Variants in VPS53 observed in about 807,000 individuals in gnomAD.
VPS53 encodes the protein VPS53 subunit of GARP complex, also known as vacuolar protein sorting-associated protein 53 homolog.
A neutral mutation model predicts 107.0 loss-of-function variants in VPS53; 70 were observed. The ratio of observed to expected loss-of-function variants is 0.65; its 90% confidence interval spans 0.54 to 0.80. The LOEUF (loss-of-function observed/expected upper bound fraction) is 0.80. Among genes scored for constraint, VPS53 ranks in the 30% least tolerant of loss-of-function variants. The pLI is 0.00. For missense variants in VPS53, 917 were observed against 1,049.4 expected (o/e 0.87, Z 1.74); for synonymous variants, 409 against 393.3 (o/e 1.04, Z -0.47).
At position 519,751 on chromosome 17, in the gene VPS53, T is replaced by C; in HGVS notation, c.2328+75A>G. The C allele has an allele frequency of 3.6e-6, 4 of 1,112,646 alleles. No homozygotes were observed. Among genetic ancestry groups the C allele is most frequent in the Non-Finnish European group, 5.3e-6 (4 of 753,172 alleles). The allele number at this position is 1,112,646 out of a possible 1,614,324, so 68.9% of individuals were successfully genotyped here. ...TTTGAGAAAGCCCCCCCGGAACTTA[T>C]ATCCCAATTCCCGGTTAAGAACCGC... On this transcript the variant is annotated intron_variant, in intron 21 of 21. Coordinates refer to ENST00000437048, the MANE Select transcript of VPS53 (RefSeq NM_001128159.3). The surrounding 1 kb of genome is among the most constrained non-coding windows in gnomAD (Gnocchi z 5.0).
chr17:712,004 G>C (rs565332432), intron 1 of VPS53, among the ~76,000 whole-genome samples: 4 of 152,058 alleles, frequency 2.6e-5, no homozygotes, highest in South Asian at 2.1e-4. Context: ...TTTTAGTAGA[G>C]AAGGGGTTTC....
chr17:687,758 G>A lies in VPS53; in HGVS notation c.285+9660C>T, dbSNP rs577104437. Among the ~76,000 whole-genome samples the A allele has an allele frequency of 6.6e-5, 10 of 152,130 alleles. No individual in the cohort carries two copies. In the East Asian group the frequency reaches 1.7e-3, roughly 26 times the overall value. Reference sequence around the variant, plus strand: ...GTCTCAAAAACAAATAAATAAATAAGTGGATAAATAAAATAAAGTATATTA... The same window carrying A: ...GTCTCAAAAACAAATAAATAAATAAATGGATAAATAAAATAAAGTATATTA... On this transcript the variant is annotated intron_variant, in intron 4 of 21. Transcript: ENST00000437048.
At chr17:615,592 C>A (rs543483308) in intron 11 of VPS53, among the ~76,000 whole-genome samples, 1 of 152,252 alleles carries the variant, frequency 6.6e-6, no homozygotes, top group South Asian at 2.1e-4. Context: ...TGACATCTTA[C>A]CTGTTTTGTG....
chr17:571,577 CT>C (rs1914088629), intron 13 of VPS53, among the ~76,000 whole-genome samples: 1 of 151,626 alleles, frequency 6.6e-6, no homozygotes, highest in African/African-American at 2.4e-5. Context: ...TTTCCACGGT[CT>C]CCCTCTGATG....
rs147990871 is a variant in VPS53, at chr17:583,080, C to T, written c.1313+3190G>A. Among the ~76,000 whole-genome samples the T allele has an allele frequency of 1.6e-3, 244 of 151,888 alleles. 3 individuals carry two copies. The Middle Eastern group carries it at 0.027, about 17-fold the overall frequency. ...ACCTAATGCGTTCCCACAGAACTTC[C>T]CTCACAACCTAATGCGTTCCCAAAG... On this transcript the variant is annotated intron_variant, in intron 13 of 21. Transcript: ENST00000437048.
chr17:607,755 A>T (rs1290932170), intron 11 of VPS53, among the ~76,000 whole-genome samples: 2 of 152,246 alleles, frequency 1.3e-5, no homozygotes, highest in African/African-American at 4.8e-5. Flanking sequence ...AAGCCGATAT[A>T]GGAAAGCAAA....
chr17:610,178 CAA>C (rs1204577668), intron 11 of VPS53, among the ~76,000 whole-genome samples: 5 of 124,206 alleles, frequency 4.0e-5, no homozygotes, highest in African/African-American at 1.6e-4. Context: ...CACACACACA[CAA>C]ATTAGTAGAC....
intron 4 of VPS53, among the ~76,000 whole-genome samples, chr17:696,954 G>A (rs986380070): frequency 6.6e-6 from 1 of 152,116 alleles, no homozygotes; most frequent in South Asian, 2.1e-4. Context: ...CGCTGTGCCC[G>A]CTGTGCCCGG....
intron 4 of VPS53, among the ~76,000 whole-genome samples, chr17:662,797 GAA>G: frequency 7.4e-6 from 1 of 135,352 alleles, no homozygotes; most frequent in African/African-American, 2.7e-5. Context: ...AAAAGAAAGA[GAA>G]AGAAAGAAAA....
chr17:592,343 C>T (rs1166979043), intron 12 of VPS53, among the ~76,000 whole-genome samples: 3 of 152,118 alleles, frequency 2.0e-5, no homozygotes, highest in East Asian at 1.9e-4. Flanking sequence ...ACTCTTTATC[C>T]AATTTGCCAG....
At chr17:645,408 C>T (rs1970645812) in intron 7 of VPS53, among the ~76,000 whole-genome samples, 1 of 152,054 alleles carries the variant, frequency 6.6e-6, no homozygotes, top group Non-Finnish European at 1.5e-5. Context: ...AGATATTAAT[C>T]CATTATCAGA....
chr17:642,740 G>C lies in VPS53; in HGVS notation c.608+10551C>G, dbSNP rs370104312. On this transcript the variant is annotated intron_variant, in intron 7 of 21. Transcript: ENST00000437048. ...CGAGGACAACACTCATACTTGGAAAGCGAGGACAACACTCATACTTGGAAA... is the reference window on the plus strand; with the variant it reads ...CGAGGACAACACTCATACTTGGAAACCGAGGACAACACTCATACTTGGAAA... Among the ~76,000 whole-genome samples the C allele has an allele frequency of 1.3e-4, 18 of 135,268 alleles. No homozygotes were observed. The East Asian group carries it at 1.3e-3, about 10-fold the overall frequency. 88.7% of individuals were successfully genotyped at this position (135,268 alleles called of 152,430 possible).
chr17:580,194 A>G (rs1248526862), intron 13 of VPS53, among the ~76,000 whole-genome samples: 1 of 143,390 alleles, frequency 7.0e-6, no homozygotes, highest in African/African-American at 2.6e-5. Flanking sequence ...AGCTCCCTCA[A>G]AACCTAATGC....
intron 17 of VPS53, among the ~76,000 whole-genome samples, chr17:544,280 G>A (rs1308932030): frequency 6.6e-6 from 1 of 152,148 alleles, no homozygotes; most frequent in Admixed American, 6.5e-5. Context: ...ACCAGGACTG[G>A]GCACATGCTG....
intron 19 of VPS53, 95 bp downstream of exon 19, chr17:532,746 AT>A: frequency 6.5e-7 from 1 of 1,542,644 alleles, no homozygotes; most frequent in Non-Finnish European, 8.8e-7. Flanking sequence ...GACATCATCA[AT>A]TTTATTCCTG....
intron 2 of VPS53, among the ~76,000 whole-genome samples, chr17:704,061 T>G (rs895483891): frequency 3.9e-5 from 6 of 152,198 alleles, no homozygotes; most frequent in Admixed American, 6.5e-5. Flanking sequence ...CATCCCCATA[T>G]AACTCTTTTC....
intron 11 of VPS53, among the ~76,000 whole-genome samples, chr17:618,896 CCTG>C (rs1969301526): frequency 6.8e-6 from 1 of 146,798 alleles, no homozygotes. Flanking sequence ...GCCCACCACG[CCTG>C]CTAATATTTT....
In VPS53 at chr17:559,728, T is replaced by G. The variant is rs1018915462; in HGVS notation, c.1704+698A>C. On this transcript the variant is annotated intron_variant, in intron 15 of 21. Transcript: ENST00000437048. ...CTGTAAATTATAAATACAAAGTGGG[T>G]AGAAGAGCAGAACCTTTCCAAATTA... 2.0e-5 allele frequency among the ~76,000 whole-genome samples: 3 copies of G among 152,246 alleles called. No homozygotes were observed. In the East Asian group the frequency reaches 5.8e-4, roughly 29 times the overall value.
intron 19 of VPS53, among the ~76,000 whole-genome samples, chr17:527,638 G>A (rs1363157083): frequency 6.6e-6 from 1 of 152,168 alleles, no homozygotes; most frequent in African/African-American, 2.4e-5. Flanking sequence ...ATTAGAGACA[G>A]GGTCTTACTC....
Sources: gnomAD v4.1 joint callset for allele counts (sites outside exome capture counted in the v4.1 genomes callset) on GRCh38, gnomAD v4.1.1 for gene constraint, Gnocchi (gnomAD v3.1) non-coding constraint, MANE v1.5 for transcripts, NCBI Gene and HGNC (gene_info 2026-07-23, HGNC 2026-07-21) for gene names.